Variants in GRM7 observed in about 807,000 individuals in gnomAD.
GRM7 encodes metabotropic glutamate receptor 7.
In GRM7, 35 loss-of-function variants were observed where a neutral mutation model predicts 84.5. The ratio of observed to expected loss-of-function variants is 0.41; its 90% CI spans 0.32 to 0.55. The LOEUF (loss-of-function observed/expected upper bound fraction) is 0.55, where lower values mean the gene tolerates loss of function less well. Among genes scored for constraint, GRM7 ranks in the 20% least tolerant of loss-of-function variants. GRM7 has a pLI of 0.19. For synonymous variants in GRM7, 487 were observed against 455.1 expected, an observed-to-expected ratio of 1.07 and a Z score of -0.89; for missense variants, 1,003 against 1,194.6, an observed-to-expected ratio of 0.84 and a Z score of 2.36.
At chr3:7,217,442 T>C (rs964323130) in intron 2 of GRM7, among the ~76,000 whole-genome samples, 5 of 152,122 alleles carry the variant, frequency 3.3e-5, no homozygotes, top group Admixed American at 6.6e-5. Flanking sequence ...ACAGAAATGG[T>C]TATCCAAACC....
rs187274329 is a variant in GRM7 at position 6,863,734 on chromosome 3, G to T, written c.519+1827G>T. 4.6e-5 allele frequency among the ~76,000 whole-genome samples: 7 copies of T among 152,162 alleles called. No individual in the cohort carries two copies. The highest frequency in any genetic ancestry group is 3.2e-3 in the Middle Eastern group (1 of 316). On this transcript the variant is annotated intron_variant, in intron 1 of 9. Coordinates refer to ENST00000357716, the MANE Select transcript of GRM7 (RefSeq NM_000844.4). This position sits in a 1 kb window ranked among gnomAD's most constrained non-coding sequence, Gnocchi z 4.8. ...GAGACATTACCTGAGAACCACTGGG[G>T]GCTGGGGTAGGTTACAGTGTTTTCC...
chr3:7,310,064 G>A (rs1451516883), intron 4 of GRM7, among the ~76,000 whole-genome samples: 3 of 152,174 alleles, frequency 2.0e-5, no homozygotes, highest in Non-Finnish European at 4.4e-5. Context: ...GGCCTACGTT[G>A]CCTTCAACTC....
At chr3:7,200,009 G>C (rs1448223538) in intron 2 of GRM7, among the ~76,000 whole-genome samples, 2 of 152,176 alleles carry the variant, frequency 1.3e-5, no homozygotes, top group African/African-American at 4.8e-5. Context: ...GCTGCACCTG[G>C]TTGGTTCCTG....
intron 7 of GRM7, among the ~76,000 whole-genome samples, chr3:7,574,253 G>A (rs1426920182): frequency 4.7e-5 from 7 of 150,536 alleles, no homozygotes; most frequent in East Asian, 2.0e-4. Flanking sequence ...TCCGCCTCCC[G>A]GGTTCAAGCA....
At chr3:7,240,948 T>C (rs1559521347) in intron 2 of GRM7, among the ~76,000 whole-genome samples, 2 of 152,330 alleles carry the variant, frequency 1.3e-5, no homozygotes, top group East Asian at 3.9e-4. Context: ...TACAGGTTTG[T>C]AGCCTAGGAG....
intron 2 of GRM7, among the ~76,000 whole-genome samples, chr3:7,273,817 C>T (rs1296902113): frequency 6.6e-6 from 1 of 151,850 alleles, no homozygotes; most frequent in East Asian, 1.9e-4. Context: ...TCCATTCTGA[C>T]AACCTCTGGC....
At chr3:7,566,149 T>C (rs779272019) in intron 7 of GRM7, among the ~76,000 whole-genome samples, 53 of 138,868 alleles carry the variant, frequency 3.8e-4, no homozygotes, top group Admixed American at 1.1e-3. Context: ...GATCAGAGAG[T>C]AAATACTTTA....
At chr3:7,425,326 A>G (rs892894104) in intron 5 of GRM7, among the ~76,000 whole-genome samples, 3 of 152,306 alleles carry the variant, frequency 2.0e-5, no homozygotes, top group Non-Finnish European at 2.9e-5. Context: ...ATAATGATAA[A>G]AAGCTAGCAG....
rs1428912320 is a variant in GRM7 at position 7,018,175 on chromosome 3, ATAAC to A, written c.520-128276_520-128273del. ...TATATTACTTTAACATGTGTTCAGT[ATAAC>A]AAATATTAAGAAGTACTGTATTTAC... On this transcript the variant is annotated intron_variant, in intron 1 of 9. Coordinates refer to ENST00000357716, the MANE Select transcript of GRM7 (RefSeq NM_000844.4). Among the ~76,000 whole-genome samples the A allele has an allele frequency of 2.0e-5, 3 of 152,374 alleles. No individual in the cohort carries two copies. The East Asian group carries it at 5.8e-4, about 29-fold the overall frequency.
At chr3:7,542,282 C>A (rs74975545) in intron 7 of GRM7, among the ~76,000 whole-genome samples, 56 of 152,278 alleles carry the variant, frequency 3.7e-4, no homozygotes, top group African/African-American at 1.3e-3. Flanking sequence ...CAGTGCTTTT[C>A]TCCCCGCTCC....
rs1239358 is a variant in GRM7 at position 7,572,175 on chromosome 3, C to T, written c.1516-6247C>T. On this transcript the variant is annotated intron_variant, in intron 7 of 9. Transcript: ENST00000357716. ...GTAGTCATTATTTCACTTAACAGCA[C>T]AAAGATTTTCTTCTGCATTCCAGCC... is the stretch of plus-strand genomic sequence containing the variant. Among the ~76,000 whole-genome samples the T allele has an allele frequency of 3.6e-3, 545 of 152,302 alleles. 2 individuals carry two copies. Among genetic ancestry groups the T allele is most frequent in the Non-Finnish European group, 5.7e-3 (387 of 68,028 alleles).
intron 4 of GRM7, among the ~76,000 whole-genome samples, chr3:7,384,041 A>G (rs1047085711): frequency 6.6e-6 from 1 of 152,046 alleles, no homozygotes; most frequent in African/African-American, 2.4e-5. Flanking sequence ...TTATTTCTTT[A>G]TTTAGGAGAC....
rs1315708196 is a variant in GRM7 at position 7,313,957 on chromosome 3, ACCC to A, written c.1033+7306_1033+7308del. Among the ~76,000 whole-genome samples, 98 of 152,204 alleles carry A rather than the reference ACCC, an allele frequency of 6.4e-4. 1 individual carries two copies. The highest frequency in any genetic ancestry group is 3.4e-3 in the Middle Eastern group (1 of 294). ...GAGAGATTTAATATTTTAAACAAAT[ACCC>A]TTTGTGTTGAAATTAGAAATGTATA... On this transcript the variant is annotated intron_variant, in intron 4 of 9. Transcript: ENST00000357716.
At position 7,476,553 on chromosome 3, in the gene GRM7, A is replaced by C. The variant is rs539058442; in HGVS notation, c.1515+14831A>C. Among the ~76,000 whole-genome samples, 4 of 152,276 alleles carry C rather than the reference A, an allele frequency of 2.6e-5. No individual in the cohort carries two copies. The South Asian group carries it at 8.3e-4, about 32-fold the overall frequency. On this transcript the variant is annotated intron_variant, in intron 7 of 9. Transcript: ENST00000357716. ...AGTTCGAGACTCCACCTCAAAAAAT[A>C]AGAAAAAATTTAAAAAAAGAAAAGT...
chr3:7,706,140 G>A (rs1291251442), intron 9 of GRM7, among the ~76,000 whole-genome samples: 1 of 152,156 alleles, frequency 6.6e-6, no homozygotes, highest in East Asian at 1.9e-4. Context: ...TACATACTCA[G>A]ATTGACTTCT....
chr3:7,713,856 C>T (rs1701682563), intron 9 of GRM7, among the ~76,000 whole-genome samples: 1 of 142,598 alleles, frequency 7.0e-6, no homozygotes, highest in Admixed American at 7.2e-5. Context: ...CTTGAGACAT[C>T]CACCCACTCA....
At chr3:7,100,762 A>G (rs1699083474) in intron 1 of GRM7, among the ~76,000 whole-genome samples, 1 of 151,818 alleles carries the variant, frequency 6.6e-6, no homozygotes, top group Non-Finnish European at 1.5e-5. Context: ...CATCTACACA[A>G]AAAACCTTTC....
chr3:6,869,435 G>A (rs769804616), intron 1 of GRM7, among the ~76,000 whole-genome samples: 1 of 152,168 alleles, frequency 6.6e-6, no homozygotes, highest in Non-Finnish European at 1.5e-5. Flanking sequence ...GACATTAAGT[G>A]TCAATATTGC....
Position 7,516,510 on chromosome 3 carries a change from T to G in GRM7, c.1515+54788T>G, listed in dbSNP as rs6793190. Among the ~76,000 whole-genome samples, 423 of 78,024 alleles carry G rather than the reference T, an allele frequency of 5.4e-3. 8 individuals are homozygous for G. Among genetic ancestry groups the G allele is most frequent in the Non-Finnish European group, 5.7e-3 (193 of 33,812 alleles). The allele number at this position is 78,024 out of a possible 152,430, so 51.2% of individuals were successfully genotyped here. A position where few individuals can be genotyped will look rare whatever the true frequency, so the allele number is the denominator to read the frequency against. ...AAAAAAAAAAAAAAAAAAAAAGAAA[T>G]AGTTAGTTCATTAATTCTTAAAGAG... On this transcript the variant is annotated intron_variant, in intron 7 of 9. Coordinates refer to ENST00000357716, the MANE Select transcript of GRM7 (RefSeq NM_000844.4).
Sources: gnomAD v4.1 joint callset for allele counts (sites outside exome capture counted in the v4.1 genomes callset) on GRCh38, gnomAD v4.1.1 for gene constraint, Gnocchi (gnomAD v3.1) non-coding constraint, MANE v1.5 for transcripts, NCBI Gene and HGNC (gene_info 2026-07-23, HGNC 2026-07-21) for gene names.